Variants in ROR1 observed in about 807,000 individuals in gnomAD.
The protein encoded by ROR1 is inactive tyrosine-protein kinase transmembrane receptor ROR1.
A neutral mutation model predicts 78.8 loss-of-function variants in ROR1; 19 were observed. The ratio of observed to expected loss-of-function variants is 0.24; its 90% confidence interval spans 0.17 to 0.35. The LOEUF (loss-of-function observed/expected upper bound fraction) is 0.35, where lower values mean the gene tolerates loss of function less well. Ranked by LOEUF, ROR1 falls within the 10% of genes least tolerant of loss-of-function variation. The probability of loss-of-function intolerance (pLI) is 1.00; values close to 1 mark genes in which losing one functional copy is unlikely to be tolerated. For missense variants in ROR1, 917 were observed against 1,177.8 expected (o/e 0.78, Z 3.24); for synonymous variants, 386 against 433.6 (o/e 0.89, Z 1.36).
intron 1 of ROR1, among the ~76,000 whole-genome samples, chr1:63,885,160 C>T (rs143433671): frequency 3.0e-4 from 45 of 152,132 alleles, no homozygotes; most frequent in African/African-American, 1.1e-3. Flanking sequence ...ATTTCAAGAG[C>T]TGTATTTGAA....
At chr1:64,076,949 C>A (rs942049614) in intron 4 of ROR1, among the ~76,000 whole-genome samples, 11 of 152,050 alleles carry the variant, frequency 7.2e-5, no homozygotes, top group Non-Finnish European at 1.6e-4. Flanking sequence ...CGTTGGAAAA[C>A]TGATTAACTA....
At chr1:64,001,680 G>A (rs1225477401) in intron 1 of ROR1, among the ~76,000 whole-genome samples, 2 of 152,106 alleles carry the variant, frequency 1.3e-5, no homozygotes, top group African/African-American at 4.8e-5. Flanking sequence ...GGACTGTTAG[G>A]AGAAGTATTT....
chr1:63,797,876 T>C (rs981576593), intron 1 of ROR1, among the ~76,000 whole-genome samples: 1 of 149,498 alleles, frequency 6.7e-6, no homozygotes, highest in Non-Finnish European at 1.5e-5. Context: ...TTTTTTTCCA[T>C]GTTCTCTATC....
intron 1 of ROR1, among the ~76,000 whole-genome samples, chr1:63,880,133 T>C (rs148889480): frequency 1.3e-3 from 193 of 152,252 alleles, no homozygotes; most frequent in African/African-American, 4.4e-3. Flanking sequence ...TGGGTAATAA[T>C]AGTAATGACT....
At chr1:64,028,083 G>A (rs746752511) in intron 2 of ROR1, among the ~76,000 whole-genome samples, 6 of 152,152 alleles carry the variant, frequency 3.9e-5, no homozygotes, top group Non-Finnish European at 8.8e-5. Context: ...TGTTGCCAGT[G>A]TGGAGAACTG....
At chr1:63,940,466 TAGATAGATAGATAGAC>T (rs1404367885) in intron 1 of ROR1, among the ~76,000 whole-genome samples, 2 of 146,324 alleles carry the variant, frequency 1.4e-5, no homozygotes, top group South Asian at 2.3e-4. Flanking sequence ...GGTAAGTACG[TAGATAGATAGATAGAC>T]AGATAGATAG....
At chr1:63,850,807 G>T (rs1159909134) in intron 1 of ROR1, among the ~76,000 whole-genome samples, 1 of 152,128 alleles carries the variant, frequency 6.6e-6, no homozygotes, top group Non-Finnish European at 1.5e-5. Flanking sequence ...CTAAGGAATT[G>T]AAGAGACAAA....
intron 1 of ROR1, among the ~76,000 whole-genome samples, chr1:64,005,966 A>G (rs1034885543): frequency 1.3e-5 from 2 of 152,206 alleles, no homozygotes; most frequent in African/African-American, 4.8e-5. Context: ...AATTGAAATT[A>G]TCTTTGCTAC....
chr1:63,935,794 C>A (rs1645789445), intron 1 of ROR1, among the ~76,000 whole-genome samples: 1 of 152,030 alleles, frequency 6.6e-6, no homozygotes, highest in Non-Finnish European at 1.5e-5. Flanking sequence ...TTTGGTTAAC[C>A]CAGAGGTCAA....
intron 1 of ROR1, among the ~76,000 whole-genome samples, chr1:63,966,803 T>G (rs1646078851): frequency 6.6e-6 from 1 of 152,200 alleles, no homozygotes; most frequent in East Asian, 1.9e-4. Flanking sequence ...ATGGTGAGGC[T>G]CATCTTCTTT....
intron 1 of ROR1, among the ~76,000 whole-genome samples, chr1:63,805,830 A>G (rs903730826): frequency 6.6e-6 from 1 of 152,176 alleles, no homozygotes; most frequent in African/African-American, 2.4e-5. Context: ...AGCCTGGGCA[A>G]CATAGCAAGA....
chr1:63,923,627 A>G (rs981566803), intron 1 of ROR1, among the ~76,000 whole-genome samples: 1 of 151,476 alleles, frequency 6.6e-6, no homozygotes, highest in South Asian at 2.1e-4. Flanking sequence ...TCTAGCCTAG[A>G]TTACTATACT....
At chr1:64,029,623 G>A (rs1646643586) in intron 2 of ROR1, among the ~76,000 whole-genome samples, 3 of 152,190 alleles carry the variant, frequency 2.0e-5, no homozygotes, top group Admixed American at 2.0e-4. Context: ...CTGGCGTCTT[G>A]CTCTGCCCTT....
chr1:64,040,730 A>T, intron 2 of ROR1, among the ~76,000 whole-genome samples: 1 of 152,160 alleles, frequency 6.6e-6, no homozygotes, highest in East Asian at 1.9e-4. Flanking sequence ...CTATTTTATA[A>T]GGGGACTAAT....
rs1645178866 is a variant in ROR1, at chr1:63,861,056, A to G, written c.91+86548A>G. ...GCCTGATGGAGTTTTGAGTGAGTTA[A>G]ATTAGGTTGTCTTGAAAATAGCTGG... On this transcript the variant is annotated intron_variant, in intron 1 of 8. Coordinates refer to ENST00000371079, the MANE Select transcript of ROR1 (RefSeq NM_005012.4). 2.0e-5 allele frequency among the ~76,000 whole-genome samples: 3 copies of G among 152,200 alleles called. No individual in the cohort carries two copies. The South Asian group carries it at 6.2e-4, about 32-fold the overall frequency.
intron 1 of ROR1, among the ~76,000 whole-genome samples, chr1:63,987,546 AATC>A (rs1437829311): frequency 6.6e-6 from 1 of 152,210 alleles, no homozygotes; most frequent in Non-Finnish European, 1.5e-5. Context: ...ATGTCATTCT[AATC>A]ATAATGCAGA....
chr1:64,013,929 G>T (rs1294199558), intron 2 of ROR1, among the ~76,000 whole-genome samples: 1 of 152,218 alleles, frequency 6.6e-6, no homozygotes, highest in Non-Finnish European at 1.5e-5. Context: ...GTGTGTAAAT[G>T]CCTACCAGGC....
At chr1:64,136,169 C>G (rs1031957963) in intron 4 of ROR1, among the ~76,000 whole-genome samples, 2 of 152,130 alleles carry the variant, frequency 1.3e-5, no homozygotes, top group African/African-American at 4.8e-5. Context: ...ATCATAATGA[C>G]TTTCCCATGT....
chr1:63,904,172 A>C (rs558453360), intron 1 of ROR1, among the ~76,000 whole-genome samples: 2 of 152,264 alleles, frequency 1.3e-5, no homozygotes, highest in African/African-American at 4.8e-5. Flanking sequence ...GATTGCGATG[A>C]TACAGGAAGT....
Sources: allele counts gnomAD v4.1 joint callset (sites outside exome capture counted in the v4.1 genomes callset), GRCh38; gene constraint gnomAD v4.1.1; transcripts MANE v1.5; gene names NCBI Gene and HGNC (gene_info 2026-07-23, HGNC 2026-07-21).